NOS1: variants seen among roughly 807,000 people sequenced by gnomAD.
The protein encoded by NOS1 is NOS type I.
In NOS1, 51 loss-of-function variants were observed where a neutral mutation model predicts 164.5. The ratio of observed to expected loss-of-function variants is 0.31; its 90% CI spans 0.25 to 0.39. The LOEUF (loss-of-function observed/expected upper bound fraction) is 0.39, where lower values mean the gene tolerates loss of function less well. Ranked by LOEUF, NOS1 falls within the 10% of genes least tolerant of loss-of-function variation. The pLI, the probability that NOS1 is intolerant of heterozygous loss-of-function variation, is 1.00. For missense variants in NOS1, 1,362 were observed against 1,885.6 expected (o/e 0.72, Z 5.14); for synonymous variants, 719 against 745.8 (o/e 0.96, Z 0.59).
intron 2 of NOS1, among the ~76,000 whole-genome samples, chr12:117,324,981 A>T (rs1006981832): frequency 1.3e-5 from 2 of 152,084 alleles, no homozygotes; most frequent in Admixed American, 6.5e-5. Flanking sequence ...TGTTTCCAAG[A>T]GGAAAGAAAG....
In NOS1 at chr12:117,234,469, C is replaced by A; in HGVS notation, c.3235+96G>T. On this transcript the variant is annotated intron_variant, in intron 21 of 28. Coordinates refer to ENST00000317775, the MANE Select transcript of NOS1 (RefSeq NM_000620.5). The surrounding 1 kb of genome is among the most constrained non-coding windows in gnomAD (Gnocchi z 4.3). ...TAGCAACAGACACCCACTCTCCTGC[C>A]TGGACTGGTGATTGGGAAGAAAAGG... The A allele has an allele frequency of 7.6e-7, 1 of 1,317,952 alleles. No homozygotes were observed. Among genetic ancestry groups the A allele is most frequent in the Non-Finnish European group, 1.1e-6 (1 of 947,826 alleles). The allele number at this position is 1,317,952 out of a possible 1,614,324, so 81.6% of individuals were successfully genotyped here.
chr12:117,267,430 T>C (rs2135990596), intron 11 of NOS1, among the ~76,000 whole-genome samples: 1 of 152,118 alleles, frequency 6.6e-6, no homozygotes, highest in Admixed American at 6.5e-5. Context: ...CTACTAAAAA[T>C]ACAAAAATTA....
chr12:117,217,735 G>A (rs1956634039), intron 28 of NOS1, among the ~76,000 whole-genome samples: 1 of 151,444 alleles, frequency 6.6e-6, no homozygotes. Flanking sequence ...AGAGGTAGGA[G>A]CCATCATTAC....
chr12:117,260,706 TATAAC>T, intron 13 of NOS1, 97 bp from the exon 14 acceptor site: 1 of 1,341,122 alleles, frequency 7.5e-7, no homozygotes, highest in Non-Finnish European at 1.0e-6. Context: ...ATCCATGAAA[TATAAC>T]AGAAGAGAAC....
intron 1 of NOS1, among the ~76,000 whole-genome samples, chr12:117,335,740 GA>G (rs1875781811): frequency 1.5e-5 from 1 of 65,834 alleles, no homozygotes; most frequent in Non-Finnish European, 3.8e-5. Flanking sequence ...GAGAGAGAGA[GA>G]GAGAGAGAGA....
chr12:117,227,381 C>G (rs760160860), intron 23 of NOS1, 50 bp downstream of exon 23: 23 of 1,581,906 alleles, frequency 1.5e-5, no homozygotes, highest in Non-Finnish European at 1.9e-5. Flanking sequence ...CTCCAGAGGC[C>G]CCTTGGGGGA....
At position 117,213,672 on chromosome 12, in the gene NOS1, G is replaced by A. The variant is rs76688506; in HGVS notation, c.*1637C>T. On this transcript the variant is annotated 3_prime_UTR_variant, in exon 29 of 29. Transcript: ENST00000317775. ...AAACTGAACAACAAGATATGCCCAC[G>A]TACAGTATATAAAAGAAATGTGGTT... 8 of 985,262 alleles carry A rather than the reference G, an allele frequency of 8.1e-6. No individual in the cohort carries two copies. The African/African-American group carries it at 1.0e-4, about 13-fold the overall frequency. The allele number at this position is 985,262 out of a possible 1,614,324, so 61.0% of individuals were successfully genotyped here. A position where few individuals can be genotyped will look rare whatever the true frequency, so the allele number is the denominator to read the frequency against.
rs1243102580 is a variant in NOS1, at chr12:117,218,037, C to T, written c.4289+9G>A. On this transcript the variant is annotated intron_variant, in intron 28 of 28. Transcript: ENST00000317775. Reference sequence around the variant, plus strand: ...TCCTGCCCCTCACCCAGGGATGGAGCCAGCTTACTCATCGGTGTCTTTTTT... The same window carrying T: ...TCCTGCCCCTCACCCAGGGATGGAGTCAGCTTACTCATCGGTGTCTTTTTT... 7.5e-6 allele frequency: 12 copies of T among 1,593,196 alleles called. No individual in the cohort carries two copies. Among genetic ancestry groups the T allele is most frequent in the Non-Finnish European group, 1.0e-5 (12 of 1,161,088 alleles).
rs1869367061 is a variant in NOS1, at chr12:117,232,872, A to G, written c.3236-741T>C. On this transcript the variant is annotated intron_variant, in intron 21 of 28. Coordinates refer to ENST00000317775, the MANE Select transcript of NOS1 (RefSeq NM_000620.5). ...TTGGATTTATTTTTATTTTTATTTT[A>G]TTTATTTATTTTTTTGAGACAGGGT... Among the ~76,000 whole-genome samples, 7 of 151,170 alleles carry G rather than the reference A, an allele frequency of 4.6e-5. No homozygotes were observed. The South Asian group carries it at 1.5e-3, about 32-fold the overall frequency.
Position 117,214,399 on chromosome 12 carries a change from C to G in NOS1, c.*910G>C. 1 of 985,354 alleles carries G rather than the reference C, an allele frequency of 1.0e-6. No homozygotes were observed. The highest frequency in any genetic ancestry group is 1.2e-6 in the Non-Finnish European group (1 of 829,934). The allele number at this position is 985,354 out of a possible 1,614,324, so 61.0% of individuals were successfully genotyped here. ...TTCTTTGAACAACATAACTTCCAGG[C>G]CCCTTGGATGCTATTGCTGGAGGAG... On this transcript the variant is annotated 3_prime_UTR_variant, in exon 29 of 29. Coordinates refer to ENST00000317775, the MANE Select transcript of NOS1 (RefSeq NM_000620.5).
chr12:117,228,035 TAGAA>T (rs1465698207), intron 22 of NOS1, among the ~76,000 whole-genome samples: 2 of 133,124 alleles, frequency 1.5e-5, no homozygotes, highest in African/African-American at 2.8e-5. Flanking sequence ...TGTTGACAGA[TAGAA>T]AGAAAGAGAG....
Position 117,247,342 on chromosome 12 carries a change from G to T in NOS1, c.2823+6C>A. ...TTTTCCTGTAGGTCCATGAGATCCA[G>T]ATTACCTTGAAGACCTTCTTGGCCC... On this transcript the variant is annotated splice_donor_region_variant and intron_variant, in intron 18 of 28. Coordinates refer to ENST00000317775, the MANE Select transcript of NOS1 (RefSeq NM_000620.5). The T allele has an allele frequency of 6.3e-7, 1 of 1,589,406 alleles. No individual in the cohort carries two copies. Among genetic ancestry groups the T allele is most frequent in the Non-Finnish European group, 8.6e-7 (1 of 1,168,136 alleles).
chr12:117,316,725 T>C (rs1450133200), intron 2 of NOS1, among the ~76,000 whole-genome samples: 1 of 152,158 alleles, frequency 6.6e-6, no homozygotes, highest in African/African-American at 2.4e-5. Flanking sequence ...TCACTGTGTA[T>C]AGGGCTTATG....
chr12:117,343,682 A>G (rs1876217842), intron 1 of NOS1, among the ~76,000 whole-genome samples: 1 of 152,242 alleles, frequency 6.6e-6, no homozygotes, highest in Non-Finnish European at 1.5e-5. Flanking sequence ...TTCAGGGAAC[A>G]TAATAACTGT....
intron 7 of NOS1, 75 bp downstream of exon 7, chr12:117,285,166 T>G (rs1874014866): frequency 1.1e-6 from 1 of 895,960 alleles, no homozygotes; most frequent in African/African-American, 1.7e-5. Flanking sequence ...GCAGGTGAGC[T>G]GACTCCAGAG....
At chr12:117,336,905 T>C (rs1347980057) in intron 1 of NOS1, among the ~76,000 whole-genome samples, 1 of 151,952 alleles carries the variant, frequency 6.6e-6, no homozygotes, top group Non-Finnish European at 1.5e-5. Context: ...CAAGTGATCC[T>C]CCTACTTCAG....
At position 117,214,727 on chromosome 12, in the gene NOS1, T is replaced by C. The variant is rs1389110533; in HGVS notation, c.*582A>G. 1 of 985,192 alleles carries C rather than the reference T, an allele frequency of 1.0e-6. No homozygotes were observed. Among genetic ancestry groups the C allele is most frequent in the Non-Finnish European group, 1.2e-6 (1 of 829,940 alleles). 61.0% of individuals were successfully genotyped at this position (985,192 alleles called of 1,614,324 possible). A position where few individuals can be genotyped will look rare whatever the true frequency, so the allele number is the denominator to read the frequency against. On this transcript the variant is annotated 3_prime_UTR_variant, in exon 29 of 29. Transcript: ENST00000317775. ...ATTATGGACACACGAGGGATTAATA[T>C]GGGCCAGGGACACGTTTCTTGGCAT... is the stretch of plus-strand genomic sequence containing the variant.
chr12:117,295,669 G>T (rs1316477184), intron 3 of NOS1, among the ~76,000 whole-genome samples: 1 of 138,524 alleles, frequency 7.2e-6, no homozygotes, highest in Non-Finnish European at 1.5e-5. Flanking sequence ...CCAGGCTGAA[G>T]TGCAGTGGTG....
chr12:117,212,504 G>A lies in NOS1; in HGVS notation c.*2805C>T. 1.0e-6 allele frequency: 1 copy of A among 985,362 alleles called. No individual in the cohort carries two copies. Among genetic ancestry groups the A allele is most frequent in the Non-Finnish European group, 1.2e-6 (1 of 829,928 alleles). 61.0% of individuals were successfully genotyped at this position (985,362 alleles called of 1,614,324 possible). A position where few individuals can be genotyped will look rare whatever the true frequency, so the allele number is the denominator to read the frequency against. The stretch of plus-strand genomic sequence containing the variant: ...CTGCTCTTTCACGACACAAGCTGTG[G>A]GAACTGGATGCATAGTGATGGCAGG... On this transcript the variant is annotated 3_prime_UTR_variant, in exon 29 of 29. Transcript: ENST00000317775.
Sources: allele counts gnomAD v4.1 joint callset (sites outside exome capture counted in the v4.1 genomes callset), GRCh38; gene constraint gnomAD v4.1.1; non-coding constraint Gnocchi (gnomAD v3.1); transcripts MANE v1.5; gene names NCBI Gene and HGNC (gene_info 2026-07-23, HGNC 2026-07-21).